The following MBD5 variants were observed in gnomAD, a reference collection of about 807,000 sequenced individuals.
MBD5 encodes methyl-CpG binding domain protein 5.
A neutral mutation model predicts 117.3 loss-of-function variants in MBD5; 13 were observed. The ratio of observed to expected loss-of-function variants is 0.11; its 90% CI spans 0.07 to 0.18. The LOEUF (loss-of-function observed/expected upper bound fraction) is 0.18, where lower values mean the gene tolerates loss of function less well. Among genes scored for constraint, MBD5 ranks in the 10% least tolerant of loss-of-function variants. MBD5 has a pLI of 1.00. For synonymous variants in MBD5, 727 were observed against 766.4 expected (o/e 0.95, Z 0.85); for missense variants, 1,879 against 2,093.8 (o/e 0.90, Z 2.00).
At chr2:148,232,599 G>A (rs1373574673) in intron 2 of MBD5, among the ~76,000 whole-genome samples, 7 of 151,662 alleles carry the variant, frequency 4.6e-5, no homozygotes, top group South Asian at 2.1e-4. Context: ...GGAGGCTCCC[G>A]AGTAGCTAGG....
intron 2 of MBD5, among the ~76,000 whole-genome samples, chr2:148,201,467 C>T (rs1414242074): frequency 6.6e-6 from 1 of 152,194 alleles, no homozygotes; most frequent in Admixed American, 6.5e-5. Context: ...ACAGAGGCGC[C>T]TTAACAACTC....
chr2:148,166,318 A>C (rs1698124133), intron 1 of MBD5, among the ~76,000 whole-genome samples: 1 of 152,066 alleles, frequency 6.6e-6, no homozygotes, highest in Non-Finnish European at 1.5e-5. Context: ...TAAACTCTTC[A>C]TTATTTGTCA....
intron 1 of MBD5, among the ~76,000 whole-genome samples, chr2:148,021,976 C>T (rs1020217616): frequency 5.3e-5 from 8 of 152,120 alleles, no homozygotes; most frequent in African/African-American, 1.9e-4. Context: ...AAAACAACCC[C>T]CTCCTTCCTC....
At chr2:148,047,141 T>C (rs1395662614) in intron 1 of MBD5, among the ~76,000 whole-genome samples, 1 of 152,232 alleles carries the variant, frequency 6.6e-6, no homozygotes, top group African/African-American at 2.4e-5. Flanking sequence ...TCACTTCTTA[T>C]CAAATCATCC....
chr2:148,209,219 T>C (rs1028903239), intron 2 of MBD5, among the ~76,000 whole-genome samples: 4 of 152,086 alleles, frequency 2.6e-5, no homozygotes, highest in African/African-American at 9.7e-5. Context: ...TTTTGTGTAT[T>C]ACTTAGTACT....
intron 4 of MBD5, among the ~76,000 whole-genome samples, chr2:148,454,346 A>G (rs1706818761): frequency 6.6e-6 from 1 of 152,182 alleles, no homozygotes; most frequent in South Asian, 2.1e-4. Flanking sequence ...TTGTATAATC[A>G]TATGATAGAA....
rs116978326 is a variant in MBD5, at chr2:148,035,140, C to T, written c.-925+13456C>T. ...TTTCCTTCTCTCCTATTACTAATAGCATCTACTACCATAGTAGATGAAAAA... is the reference window on the plus strand; with the variant it reads ...TTTCCTTCTCTCCTATTACTAATAGTATCTACTACCATAGTAGATGAAAAA... On this transcript the variant is annotated intron_variant, in intron 1 of 13. Transcript: ENST00000642680. 2.8e-4 allele frequency among the ~76,000 whole-genome samples: 43 copies of T among 151,962 alleles called. No homozygotes were observed. The East Asian group carries it at 3.5e-3, about 12-fold the overall frequency.
chr2:148,086,562 C>T (rs536911458), intron 1 of MBD5, among the ~76,000 whole-genome samples: 2 of 152,134 alleles, frequency 1.3e-5, no homozygotes, highest in Non-Finnish European at 2.9e-5. Flanking sequence ...CATCCCCAAA[C>T]ATAAACAAAC....
intron 1 of MBD5, among the ~76,000 whole-genome samples, chr2:148,137,463 A>C (rs1168123152): frequency 6.6e-6 from 1 of 152,150 alleles, no homozygotes; most frequent in Non-Finnish European, 1.5e-5. Context: ...TTTGCCTATT[A>C]AAATCTTACC....
intron 1 of MBD5, among the ~76,000 whole-genome samples, chr2:148,022,251 C>T (rs1693770327): frequency 6.6e-6 from 1 of 152,024 alleles, no homozygotes; most frequent in Non-Finnish European, 1.5e-5. Context: ...GTTTCATTTT[C>T]CATTTTTTCG....
At chr2:148,089,716 C>T (rs896354547) in intron 1 of MBD5, among the ~76,000 whole-genome samples, 2 of 151,986 alleles carry the variant, frequency 1.3e-5, no homozygotes, top group Non-Finnish European at 2.9e-5. Flanking sequence ...AAGTTCATAG[C>T]ATTAAATGCC....
At chr2:148,099,696 C>A (rs1012644580) in intron 1 of MBD5, among the ~76,000 whole-genome samples, 13 of 152,086 alleles carry the variant, frequency 8.5e-5, no homozygotes, top group African/African-American at 2.9e-4. Flanking sequence ...AGATCTGATG[C>A]CTTTGGTATA....
chr2:148,041,411 G>A (rs1161901174), intron 1 of MBD5: 1 of 152,112 alleles, frequency 6.6e-6, no homozygotes, highest in African/African-American at 2.4e-5. Context: ...ATTAGGAAAG[G>A]GGACTTCTGA....
Position 148,379,506 on chromosome 2 carries a change from A to G in MBD5, c.-557+37170A>G, listed in dbSNP as rs562765901. 2.8e-4 allele frequency among the ~76,000 whole-genome samples: 42 copies of G among 152,288 alleles called. No homozygotes were observed. The South Asian group carries it at 8.7e-3, about 32-fold the overall frequency. On this transcript the variant is annotated intron_variant, in intron 4 of 13. Coordinates refer to ENST00000642680, the MANE Select transcript of MBD5 (RefSeq NM_001378120.1). ...AAGAAACCTCTGAAAGATAATGATT[A>G]GAAAAAATTCAGTAAAATGACAGGA...
chr2:148,512,449 A>G (rs894838393), intron 13 of MBD5, among the ~76,000 whole-genome samples: 1 of 152,096 alleles, frequency 6.6e-6, no homozygotes, highest in South Asian at 2.1e-4. Flanking sequence ...AAAGTGAGGG[A>G]AAAAAAGGGG....
chr2:148,215,688 AT>A (rs66589231), intron 2 of MBD5, among the ~76,000 whole-genome samples: 27,430 of 131,962 alleles, frequency 0.21, 3,090 homozygotes, highest in East Asian at 0.5. Context: ...TGCCCGGCTA[AT>A]TTTTTTTTTT....
At chr2:148,419,268 C>T (rs1705522551) in intron 4 of MBD5, among the ~76,000 whole-genome samples, 1 of 152,070 alleles carries the variant, frequency 6.6e-6, no homozygotes, top group Admixed American at 6.6e-5. Context: ...ACCTGATAAC[C>T]ATACAAATTT....
chr2:148,160,148 C>A (rs1297433479), intron 1 of MBD5, among the ~76,000 whole-genome samples: 2 of 152,164 alleles, frequency 1.3e-5, no homozygotes, highest in Non-Finnish European at 2.9e-5. Flanking sequence ...GCCTGTAATC[C>A]CAGCACTTTG....
At chr2:148,361,597 G>C (rs760050242) in intron 4 of MBD5, among the ~76,000 whole-genome samples, 3 of 152,054 alleles carry the variant, frequency 2.0e-5, no homozygotes, top group Non-Finnish European at 4.4e-5. Context: ...AAACAAGAAG[G>C]GCTCACATTA....
Sources: gnomAD v4.1 joint callset for allele counts (sites outside exome capture counted in the v4.1 genomes callset) on GRCh38, gnomAD v4.1.1 for gene constraint, MANE v1.5 for transcripts, NCBI Gene and HGNC (gene_info 2026-07-23, HGNC 2026-07-21) for gene names.